Variants in MBNL2 observed in about 807,000 individuals in gnomAD.
MBNL2 encodes the protein muscleblind like splicing regulator 2.
Under a neutral mutation model 41.9 loss-of-function variants are expected in MBNL2, and 17 were observed. That is an observed-to-expected ratio of 0.41 (90% CI 0.28 to 0.61). The LOEUF (loss-of-function observed/expected upper bound fraction) is 0.61, where lower values mean the gene tolerates loss of function less well. Among genes scored for constraint, MBNL2 ranks in the 20% least tolerant of loss-of-function variants. The pLI is 0.35. For missense variants in MBNL2, 336 were observed against 505.6 expected, an observed-to-expected ratio of 0.66 and a Z score of 3.22; for synonymous variants, 195 against 182.9, an observed-to-expected ratio of 1.07 and a Z score of -0.53.
chr13:97,294,226 T>A (rs926255430), intron 2 of MBNL2, among the ~76,000 whole-genome samples: 2 of 152,244 alleles, frequency 1.3e-5, no homozygotes, highest in Non-Finnish European at 2.9e-5. Flanking sequence ...TTTTTTCTCC[T>A]ACTGTTTCCA....
At chr13:97,207,656 C>G in the MBNL2 span, among the ~76,000 whole-genome samples, 1 of 152,250 alleles carries the variant, frequency 6.6e-6, no homozygotes, top group Non-Finnish European at 1.5e-5. Context: ...AGAGCCAAAC[C>G]ATATAATTCC....
intron 1 of MBNL2, among the ~76,000 whole-genome samples, chr13:97,235,118 A>G (rs1427538194): frequency 1.3e-5 from 2 of 152,174 alleles, no homozygotes; most frequent in Non-Finnish European, 2.9e-5. Flanking sequence ...CCACATTTTC[A>G]TGTAGAGAAG....
chr13:97,240,961 A>C (rs1348974733), intron 1 of MBNL2, among the ~76,000 whole-genome samples: 2 of 152,094 alleles, frequency 1.3e-5, no homozygotes, highest in African/African-American at 4.8e-5. Context: ...CAGGGGCCAA[A>C]CTCCTGAGCT....
chr13:97,234,908 G>A (rs1331235416), intron 1 of MBNL2, among the ~76,000 whole-genome samples: 5 of 152,226 alleles, frequency 3.3e-5, no homozygotes, highest in Admixed American at 2.6e-4. Flanking sequence ...TTCGCCATCA[G>A]TAGGTGCCAA....
rs181662258 is a variant in MBNL2, at chr13:97,303,278, G to A, written c.174+26869G>A. ...GGAGCTGGCAATGCAGATTTGGATG[G>A]CAGAAGTCACAAGGCAAATACCAGC... On this transcript the variant is annotated intron_variant, in intron 2 of 8. Coordinates refer to ENST00000679496, the MANE Select transcript of MBNL2 (RefSeq NM_001382683.1). Among the ~76,000 whole-genome samples, 5 of 152,244 alleles carry A rather than the reference G, an allele frequency of 3.3e-5. No homozygotes were observed. In the East Asian group the frequency reaches 9.7e-4, roughly 29 times the overall value.
intron 2 of MBNL2, among the ~76,000 whole-genome samples, chr13:97,331,266 G>A (rs2060412716): frequency 6.6e-6 from 1 of 152,178 alleles, no homozygotes; most frequent in African/African-American, 2.4e-5. Flanking sequence ...GTCCTGAGAA[G>A]AAGATACAAT....
intron 2 of MBNL2, among the ~76,000 whole-genome samples, chr13:97,314,357 GTCTC>G (rs1243855616): frequency 6.6e-6 from 1 of 152,046 alleles, no homozygotes; most frequent in Non-Finnish European, 1.5e-5. Flanking sequence ...CACACTTCCT[GTCTC>G]TCTCAGTTCT....
At chr13:97,370,897 G>T (rs1418610696) in intron 8 of MBNL2, among the ~76,000 whole-genome samples, 1 of 152,076 alleles carries the variant, frequency 6.6e-6, no homozygotes, top group Non-Finnish European at 1.5e-5. Flanking sequence ...AAAAAAAATT[G>T]GTTGGGGGGG....
intron 3 of MBNL2, among the ~76,000 whole-genome samples, chr13:97,342,438 T>C (rs2061514082): frequency 6.6e-6 from 1 of 152,222 alleles, no homozygotes; most frequent in Admixed American, 6.5e-5. Flanking sequence ...GTAGTTGAAC[T>C]ACAGCAAAAA....
At chr13:97,300,103 G>A (rs2057471163) in intron 2 of MBNL2, among the ~76,000 whole-genome samples, 1 of 152,192 alleles carries the variant, frequency 6.6e-6, no homozygotes, top group Non-Finnish European at 1.5e-5. Context: ...GTAAAGGAAA[G>A]GAGAAAATGC....
chr13:97,176,502 GC>G, the MBNL2 span, among the ~76,000 whole-genome samples: 1 of 152,092 alleles, frequency 6.6e-6, no homozygotes, highest in Non-Finnish European at 1.5e-5. Context: ...GTGCAGCCCT[GC>G]CCATGTGAAC....
intron 2 of MBNL2, among the ~76,000 whole-genome samples, chr13:97,315,577 A>G (rs1447721563): frequency 1.3e-5 from 2 of 152,236 alleles, no homozygotes; most frequent in Non-Finnish European, 2.9e-5. Flanking sequence ...TGCTTTCTCA[A>G]GGAAGCTTGG....
chr13:97,271,459 C>CA (rs1474017824), intron 1 of MBNL2, among the ~76,000 whole-genome samples: 2 of 150,250 alleles, frequency 1.3e-5, no homozygotes, highest in African/African-American at 2.5e-5. Context: ...AAAAAACAAA[C>CA]AAAAAACAAA....
chr13:97,174,443 C>CA, the MBNL2 span, among the ~76,000 whole-genome samples: 1 of 152,120 alleles, frequency 6.6e-6, no homozygotes, highest in African/African-American at 2.4e-5. Context: ...AAACCAGAAA[C>CA]AAGGTCTACA....
chr13:97,239,857 G>A (rs769109898), intron 1 of MBNL2, among the ~76,000 whole-genome samples: 57 of 152,144 alleles, frequency 3.7e-4, no homozygotes, highest in Non-Finnish European at 7.4e-4. Flanking sequence ...AGGGCCACTC[G>A]AAAACTTAAT....
At chr13:97,160,559 CGCACACACACACAT>C in the MBNL2 span, among the ~76,000 whole-genome samples, 5 of 152,074 alleles carry the variant, frequency 3.3e-5, no homozygotes, top group Non-Finnish European at 5.9e-5. Context: ...CACCTAGACA[CGCACACACACACAT>C]GCACACACAC....
intron 2 of MBNL2, among the ~76,000 whole-genome samples, chr13:97,311,781 A>G (rs2058633224): frequency 6.6e-6 from 1 of 152,098 alleles, no homozygotes. Context: ...TTAAGGGGCT[A>G]CAGGTGGGTT....
At chr13:97,188,849 T>C in the MBNL2 span, among the ~76,000 whole-genome samples, 11 of 152,016 alleles carry the variant, frequency 7.2e-5, no homozygotes, top group Non-Finnish European at 1.2e-4. Flanking sequence ...CAGCCCTCAT[T>C]CCTTCCTTTA....
chr13:97,278,718 T>G (rs566633636), intron 2 of MBNL2, among the ~76,000 whole-genome samples: 27 of 152,170 alleles, frequency 1.8e-4, no homozygotes, highest in Non-Finnish European at 3.5e-4. Flanking sequence ...GCTGGAGCCT[T>G]TTTGAGGTGT....
Sources: gnomAD v4.1 joint callset for allele counts (sites outside exome capture counted in the v4.1 genomes callset) on GRCh38, gnomAD v4.1.1 for gene constraint, MANE v1.5 for transcripts, NCBI Gene and HGNC (gene_info 2026-07-23, HGNC 2026-07-21) for gene names.